GXYLT2: variants seen among roughly 807,000 people sequenced by gnomAD.
GXYLT2 encodes glucoside xylosyltransferase 2.
GXYLT2 carries 53 observed loss-of-function variants against 45.8 expected under a neutral mutation model. The observed-to-expected ratio is 1.16, with a 90% confidence interval of 0.93 to 1.46. The LOEUF (loss-of-function observed/expected upper bound fraction) is 1.46. Among genes scored for constraint, GXYLT2 ranks in the 40% most tolerant of loss-of-function variants. The pLI, the probability that GXYLT2 is intolerant of heterozygous loss-of-function variation, is 0.00. For synonymous variants in GXYLT2, 219 were observed against 214.2 expected (o/e 1.02, Z -0.19); for missense variants, 551 against 544.4 (o/e 1.01, Z -0.12).
intron 3 of GXYLT2, among the ~76,000 whole-genome samples, chr3:72,943,009 C>A (rs1352016259): frequency 2.0e-5 from 3 of 152,156 alleles, no homozygotes; most frequent in Admixed American, 6.6e-5. Context: ...TGGGAACTCT[C>A]TGAACTTTTT....
intron 1 of GXYLT2, among the ~76,000 whole-genome samples, chr3:72,903,761 G>A (rs1481260582): frequency 6.6e-6 from 1 of 152,170 alleles, no homozygotes; most frequent in African/African-American, 2.4e-5. Context: ...CATTTCAAAG[G>A]ATAAATCAGG....
intron 1 of GXYLT2, among the ~76,000 whole-genome samples, chr3:72,896,676 T>C (rs1049504682): frequency 6.6e-6 from 1 of 151,978 alleles, no homozygotes; most frequent in African/African-American, 2.4e-5. Flanking sequence ...TGGTGAAACC[T>C]GGTCTCTACC....
At chr3:72,927,312 C>G (rs1373015603) in intron 3 of GXYLT2, 2 of 152,138 alleles carry the variant, frequency 1.3e-5, no homozygotes, top group East Asian at 3.9e-4. Flanking sequence ...AAACTTGTCC[C>G]ACTCCTTAAT....
chr3:72,901,270 C>G (rs1311590421), intron 1 of GXYLT2, among the ~76,000 whole-genome samples: 5 of 139,652 alleles, frequency 3.6e-5, no homozygotes, highest in African/African-American at 1.4e-4. Context: ...GCCTGGGTGA[C>G]AGATCTAGAC....
intron 3 of GXYLT2, chr3:72,929,016 A>ACCGCCGCCTCTCCTTAGCCG (rs1709973940): frequency 7.3e-7 from 1 of 1,365,430 alleles, no homozygotes; most frequent in African/African-American, 1.4e-5. Context: ...CCGCGCAGCC[A>ACCGCCGCCTCTCCTTAGCCG]CCGCCGCCTC....
At chr3:72,945,568 ATGAAG>A (rs1710388401) in intron 3 of GXYLT2, among the ~76,000 whole-genome samples, 1 of 152,204 alleles carries the variant, frequency 6.6e-6, no homozygotes, top group Non-Finnish European at 1.5e-5. Flanking sequence ...GGGTGGTATG[ATGAAG>A]AGAAAATGGA....
chr3:72,909,899 G>A lies in GXYLT2; in HGVS notation c.468+1340G>A, dbSNP rs548506123. ...GACTAATGAGAAATGCCCAAAAAAA[G>A]CATGTTGGGCAGAGAAAGGCTAATA... On this transcript the variant is annotated intron_variant, in intron 2 of 6. Coordinates refer to ENST00000389617, the MANE Select transcript of GXYLT2 (RefSeq NM_001080393.2). Among the ~76,000 whole-genome samples the A allele has an allele frequency of 2.3e-3, 349 of 152,206 alleles. 1 individual carries two copies. The highest frequency in any genetic ancestry group is 7.9e-3 in the African/African-American group (328 of 41,518).
At chr3:72,894,479 C>G (rs937454299) in intron 1 of GXYLT2, among the ~76,000 whole-genome samples, 1 of 152,226 alleles carries the variant, frequency 6.6e-6, no homozygotes, top group Non-Finnish European at 1.5e-5. Flanking sequence ...TGAGCAAAAT[C>G]AGACTTTTCT....
intron 2 of GXYLT2, among the ~76,000 whole-genome samples, chr3:72,909,331 A>G (rs1472461981): frequency 6.6e-6 from 1 of 150,950 alleles, no homozygotes; most frequent in Non-Finnish European, 1.5e-5. Flanking sequence ...GTCCCTCCCA[A>G]AGTGCTGGGA....
chr3:72,974,982 CT>C lies in GXYLT2; in HGVS notation c.1158del (p.Gln387LysfsTer14), dbSNP rs1189132212. The C allele has an allele frequency of 6.5e-6, 10 of 1,537,540 alleles. No homozygotes were observed. The highest frequency in any genetic ancestry group is 8.8e-6 in the Non-Finnish European group (10 of 1,139,314). Reference sequence around the variant, plus strand: ...TTTTTTTTGTCATCTTTCAGTTTCCCTTTCAAGACAATCTCTTTCAATCCAT... The same window carrying C: ...TTTTTTTTGTCATCTTTCAGTTTCCCTTCAAGACAATCTCTTTCAATCCAT... The part of the protein sequence containing the change: ...ALYEAIRDFP[F>X]QDNLFQSMYY... On this transcript the variant is annotated frameshift_variant, in exon 7 of 7. Coordinates refer to ENST00000389617, the MANE Select transcript of GXYLT2 (RefSeq NM_001080393.2). LOFTEE classifies it high-confidence loss of function.
chr3:72,897,090 C>T (rs964235152), intron 1 of GXYLT2, among the ~76,000 whole-genome samples: 3 of 152,164 alleles, frequency 2.0e-5, no homozygotes, highest in African/African-American at 7.2e-5. Flanking sequence ...AAGCACTTCA[C>T]TGCATTATTT....
chr3:72,889,585 C>T (rs150522754), intron 1 of GXYLT2, among the ~76,000 whole-genome samples: 1 of 152,268 alleles, frequency 6.6e-6, no homozygotes, highest in Admixed American at 6.5e-5. Context: ...GTACTTATAA[C>T]ACTTTACAGC....
intron 3 of GXYLT2, among the ~76,000 whole-genome samples, chr3:72,931,216 A>T (rs922465821): frequency 1.1e-4 from 17 of 151,484 alleles, no homozygotes; most frequent in Admixed American, 5.3e-4. Flanking sequence ...ATACTTCTTT[A>T]TTTTTTTATT....
At chr3:72,949,340 T>A (rs1710471028) in intron 3 of GXYLT2, among the ~76,000 whole-genome samples, 1 of 152,008 alleles carries the variant, frequency 6.6e-6, no homozygotes, top group African/African-American at 2.4e-5. Context: ...AGATGTCACT[T>A]CTGCTGGGAA....
chr3:72,898,546 A>G (rs536821486), intron 1 of GXYLT2, among the ~76,000 whole-genome samples: 12 of 152,182 alleles, frequency 7.9e-5, no homozygotes, highest in Non-Finnish European at 1.8e-4. Context: ...GAATAAATCA[A>G]CACAAATGTG....
At chr3:72,912,696 C>T (rs1193895828) in intron 2 of GXYLT2, among the ~76,000 whole-genome samples, 2 of 152,208 alleles carry the variant, frequency 1.3e-5, no homozygotes, top group Admixed American at 1.3e-4. Context: ...CCAGCCCCAA[C>T]GTCTAGACAT....
At chr3:72,965,893 C>A (rs752596600) in intron 5 of GXYLT2, among the ~76,000 whole-genome samples, 2 of 152,280 alleles carry the variant, frequency 1.3e-5, no homozygotes, top group Middle Eastern at 3.4e-3. Context: ...GGCCATGGTG[C>A]ATATAGTTAC....
chr3:72,922,917 G>C (rs1263532678), intron 3 of GXYLT2, among the ~76,000 whole-genome samples: 3 of 152,132 alleles, frequency 2.0e-5, no homozygotes, highest in African/African-American at 7.2e-5. Context: ...ACAGGAGTTT[G>C]AGACCAGCCT....
At chr3:72,935,016 TC>T (rs1710149969) in intron 3 of GXYLT2, among the ~76,000 whole-genome samples, 1 of 151,994 alleles carries the variant, frequency 6.6e-6, no homozygotes, top group Non-Finnish European at 1.5e-5. Context: ...TGAATAGAGA[TC>T]CAGTGATTGC....
Sources: gnomAD v4.1 joint callset for allele counts (sites outside exome capture counted in the v4.1 genomes callset) on GRCh38, gnomAD v4.1.1 for gene constraint, MANE v1.5 for transcripts, NCBI Gene and HGNC (gene_info 2026-07-23, HGNC 2026-07-21) for gene names.